The following EBF2 variants were observed in gnomAD, a reference collection of about 807,000 sequenced individuals.
EBF2 encodes transcription factor COE2.
In EBF2, 21 loss-of-function variants were observed where a neutral mutation model predicts 72.8. The observed-to-expected ratio is 0.29, with a 90% confidence interval of 0.20 to 0.42. EBF2 has a LOEUF of 0.42. EBF2 is among the 10% of genes least tolerant of loss of function. The pLI is 1.00. For missense variants in EBF2, 637 were observed against 731.2 expected, an observed-to-expected ratio of 0.87 and a Z score of 1.49; for synonymous variants, 299 against 274.2, an observed-to-expected ratio of 1.09 and a Z score of -0.89.
chr8:25,970,280 A>G (rs1246936869), intron 6 of EBF2, among the ~76,000 whole-genome samples: 1 of 152,120 alleles, frequency 6.6e-6, no homozygotes, highest in Non-Finnish European at 1.5e-5. Flanking sequence ...CGTAAGTGAA[A>G]GTCTGTCCCC....
chr8:25,850,489 C>G, intron 15 of EBF2, 105 bp downstream of exon 15: 1 of 1,293,876 alleles, frequency 7.7e-7, no homozygotes. Flanking sequence ...AGCAAAGCAT[C>G]TCTTTGCAGG....
chr8:25,986,812 T>C (rs1379690610), intron 6 of EBF2, among the ~76,000 whole-genome samples: 2 of 151,880 alleles, frequency 1.3e-5, no homozygotes, highest in Admixed American at 6.6e-5. Context: ...AAGAATAGAG[T>C]TGATTGTAAG....
chr8:26,040,468 C>T, intron 4 of EBF2, 148 bp downstream of exon 4: 1 of 706,272 alleles, frequency 1.4e-6, no homozygotes, highest in Non-Finnish European at 2.3e-6. Context: ...TCTTCCCTAG[C>T]AGACAAGGTG....
chr8:25,889,185 T>C (rs1288289366), intron 8 of EBF2, among the ~76,000 whole-genome samples: 2 of 152,186 alleles, frequency 1.3e-5, no homozygotes, highest in African/African-American at 4.8e-5. Flanking sequence ...AGGGGAATAA[T>C]TAAAATGGAA....
intron 6 of EBF2, among the ~76,000 whole-genome samples, chr8:25,971,458 A>G (rs957262515): frequency 4.6e-5 from 7 of 152,168 alleles, no homozygotes; most frequent in Non-Finnish European, 1.0e-4. Flanking sequence ...CGCCCCCGAA[A>G]AAAAGACCTC....
chr8:25,983,541 C>T (rs1045828459), intron 6 of EBF2, among the ~76,000 whole-genome samples: 1 of 152,218 alleles, frequency 6.6e-6, no homozygotes, highest in African/African-American at 2.4e-5. Flanking sequence ...CCCTCATCCC[C>T]AGCTGTCTAC....
intron 6 of EBF2, among the ~76,000 whole-genome samples, chr8:26,024,412 C>T (rs771488899): frequency 2.6e-5 from 4 of 152,154 alleles, no homozygotes; most frequent in Non-Finnish European, 5.9e-5. Flanking sequence ...TTTCTGTTTA[C>T]TCAATCTTAT....
At chr8:26,039,347 C>G (rs1327949160) in intron 5 of EBF2, among the ~76,000 whole-genome samples, 2 of 152,160 alleles carry the variant, frequency 1.3e-5, no homozygotes, top group African/African-American at 4.8e-5. Flanking sequence ...CTGAACCTTT[C>G]ACGACGTGAA....
intron 5 of EBF2, among the ~76,000 whole-genome samples, chr8:26,033,710 A>G (rs1805446735): frequency 6.6e-6 from 1 of 151,962 alleles, no homozygotes; most frequent in Non-Finnish European, 1.5e-5. Flanking sequence ...TACCTGTGTA[A>G]CAAACCTATA....
At chr8:25,999,324 G>C (rs1804684310) in intron 6 of EBF2, among the ~76,000 whole-genome samples, 1 of 152,022 alleles carries the variant, frequency 6.6e-6, no homozygotes, top group Admixed American at 6.6e-5. Context: ...GGATTTGGGG[G>C]CCAATGAAGA....
chr8:25,894,114 A>C (rs1802828117), intron 7 of EBF2, among the ~76,000 whole-genome samples: 1 of 152,214 alleles, frequency 6.6e-6, no homozygotes, highest in South Asian at 2.1e-4. Context: ...GAATTTTCAA[A>C]ATGTGATGGA....
At chr8:25,907,506 C>A (rs1585191074) in intron 7 of EBF2, among the ~76,000 whole-genome samples, 1 of 145,954 alleles carries the variant, frequency 6.9e-6, no homozygotes, top group South Asian at 2.2e-4. Flanking sequence ...GCAGCTGCAA[C>A]GTGTCGCATG....
At chr8:25,862,548 A>C (rs550516442) in intron 11 of EBF2, among the ~76,000 whole-genome samples, 161 bp downstream of exon 11, 35 of 152,334 alleles carry the variant, frequency 2.3e-4, no homozygotes, top group South Asian at 1.2e-3. Context: ...ATAAGACCAT[A>C]ATATATTTCA....
chr8:26,026,430 A>T (rs1805303334), intron 6 of EBF2, among the ~76,000 whole-genome samples: 1 of 152,208 alleles, frequency 6.6e-6, no homozygotes, highest in African/African-American at 2.4e-5. Flanking sequence ...CATTTGACAA[A>T]TAGGGGAACT....
At chr8:25,926,332 A>G (rs191537705) in intron 6 of EBF2, among the ~76,000 whole-genome samples, 5 of 152,232 alleles carry the variant, frequency 3.3e-5, no homozygotes, top group Non-Finnish European at 7.4e-5. Flanking sequence ...AGTATTTTGG[A>G]AACATTGTGT....
At chr8:26,015,736 T>A (rs1805100678) in intron 6 of EBF2, among the ~76,000 whole-genome samples, 1 of 152,206 alleles carries the variant, frequency 6.6e-6, no homozygotes, top group Non-Finnish European at 1.5e-5. Flanking sequence ...CTTCACAAAC[T>A]CCTGGTGACT....
At chr8:25,867,551 G>A (rs990477063) in intron 10 of EBF2, among the ~76,000 whole-genome samples, 1 of 152,140 alleles carries the variant, frequency 6.6e-6, no homozygotes, top group African/African-American at 2.4e-5. Flanking sequence ...TTCTTTCTCT[G>A]CCTGTCTTGT....
At chr8:25,999,114 T>C (rs928347895) in intron 6 of EBF2, among the ~76,000 whole-genome samples, 2 of 152,166 alleles carry the variant, frequency 1.3e-5, no homozygotes, top group Non-Finnish European at 2.9e-5. Flanking sequence ...CTCTTAGTTA[T>C]AAACAAGCTT....
intron 10 of EBF2, among the ~76,000 whole-genome samples, chr8:25,885,063 T>C (rs1009061240): frequency 1.3e-5 from 2 of 152,210 alleles, no homozygotes; most frequent in Non-Finnish European, 2.9e-5. Flanking sequence ...TTCCTGCTTC[T>C]GGTTGTTCCT....
Sources: allele counts gnomAD v4.1 joint callset (sites outside exome capture counted in the v4.1 genomes callset), GRCh38; gene constraint gnomAD v4.1.1; transcripts MANE v1.5; gene names NCBI Gene and HGNC (gene_info 2026-07-23, HGNC 2026-07-21).